Variants in GPHN observed in about 807,000 individuals in gnomAD.
GPHN encodes the protein gephyrin.
GPHN carries 17 observed loss-of-function variants against 95.5 expected under a neutral mutation model. The observed-to-expected ratio is 0.18, with a 90% CI of 0.12 to 0.27. The LOEUF (loss-of-function observed/expected upper bound fraction) is 0.27. Ranked by LOEUF, GPHN falls within the 10% of genes least tolerant of loss-of-function variation. The pLI, the probability that GPHN is intolerant of heterozygous loss-of-function variation, is 1.00. For missense variants in GPHN, 660 were observed against 978.1 expected (o/e 0.67, Z 4.34); for synonymous variants, 320 against 322.5 (o/e 0.99, Z 0.08).
chr14:67,360,540 C>T, the GPHN span: 1 of 249,284 alleles, frequency 4.0e-6, no homozygotes, highest in Non-Finnish European at 7.6e-6. Flanking sequence ...GGGTAGGCCC[C>T]GGGCTAATAC....
chr14:66,635,497 G>A (rs920775566), intron 1 of GPHN, among the ~76,000 whole-genome samples: 1 of 152,018 alleles, frequency 6.6e-6, no homozygotes, highest in African/African-American at 2.4e-5. Context: ...GTATACAAAG[G>A]GAAATCCCAG....
chr14:66,801,624 C>G (rs141117740), intron 3 of GPHN, among the ~76,000 whole-genome samples: 36 of 133,398 alleles, frequency 2.7e-4, no homozygotes, highest in African/African-American at 9.9e-4. Flanking sequence ...CCCCTCCCCC[C>G]GCTCTCTCCC....
chr14:67,656,324 C>T, the GPHN span: 1 of 1,194,864 alleles, frequency 8.4e-7, no homozygotes, highest in Non-Finnish European at 1.1e-6. Flanking sequence ...GAATACAGAA[C>T]TGCTGTAGCT....
At chr14:66,621,975 A>C (rs2063325768) in intron 1 of GPHN, among the ~76,000 whole-genome samples, 1 of 152,140 alleles carries the variant, frequency 6.6e-6, no homozygotes, top group Non-Finnish European at 1.5e-5. Flanking sequence ...CAGTTCCACT[A>C]GGTTGGAGCC....
intron 5 of GPHN, among the ~76,000 whole-genome samples, chr14:66,897,956 T>C (rs1244439899): frequency 6.6e-6 from 1 of 152,084 alleles, no homozygotes; most frequent in African/African-American, 2.4e-5. Context: ...TTTTAGCCAT[T>C]TTGATAGTTT....
chr14:67,011,434 G>A (rs921545868), intron 9 of GPHN, among the ~76,000 whole-genome samples: 15 of 151,534 alleles, frequency 9.9e-5, no homozygotes, highest in African/African-American at 3.6e-4. Flanking sequence ...TTATCTCGGG[G>A]GGATGTCACA....
intron 4 of GPHN, among the ~76,000 whole-genome samples, chr14:66,859,192 C>A (rs1433802292): frequency 1.3e-5 from 2 of 152,100 alleles, no homozygotes; most frequent in Non-Finnish European, 2.9e-5. Flanking sequence ...TTACAGTAGG[C>A]CTTGGGTAAG....
chr14:66,512,547 C>G (rs914726916), intron 1 of GPHN, among the ~76,000 whole-genome samples: 3 of 151,668 alleles, frequency 2.0e-5, no homozygotes, highest in Admixed American at 2.0e-4. Context: ...TTTTAAAAAT[C>G]ATATTTTTGC....
chr14:67,116,712 T>A (rs2078716311), intron 16 of GPHN, among the ~76,000 whole-genome samples: 1 of 152,218 alleles, frequency 6.6e-6, no homozygotes, highest in Non-Finnish European at 1.5e-5. Flanking sequence ...CAATCAAATC[T>A]GTCCAGAGTC....
chr14:67,004,166 T>A (rs932728470), intron 9 of GPHN, among the ~76,000 whole-genome samples: 2 of 151,834 alleles, frequency 1.3e-5, no homozygotes, highest in Non-Finnish European at 3.0e-5. Flanking sequence ...TTATCCTGTG[T>A]GCATTTTACT....
At chr14:67,047,318 TTGTGTGTGTGTGTGTTTG>T (rs1425402550) in intron 10 of GPHN, among the ~76,000 whole-genome samples, 1 of 132,886 alleles carries the variant, frequency 7.5e-6, no homozygotes, top group Non-Finnish European at 1.6e-5. Context: ...TTCATTTATT[TTGTGTGTGTGTGTGTTTG>T]TGTGTGTGTG....
chr14:67,696,582 G>C, the GPHN span, among the ~76,000 whole-genome samples: 1 of 152,088 alleles, frequency 6.6e-6, no homozygotes, highest in African/African-American at 2.4e-5. Context: ...CTGATGGCTT[G>C]GGTCACATAC....
intron 19 of GPHN, among the ~76,000 whole-genome samples, chr14:67,161,540 C>T (rs1264862608): frequency 2.0e-5 from 3 of 151,884 alleles, no homozygotes; most frequent in South Asian, 2.1e-4. Context: ...GGGGGTGGTT[C>T]GCTTGAGCCC....
chr14:66,547,300 A>T (rs200583425), intron 1 of GPHN, among the ~76,000 whole-genome samples: 1 of 152,140 alleles, frequency 6.6e-6, no homozygotes, highest in Non-Finnish European at 1.5e-5. Flanking sequence ...TATATAGTTG[A>T]TGCTTAACAA....
At chr14:66,563,738 G>C (rs1019742257) in intron 1 of GPHN, among the ~76,000 whole-genome samples, 2 of 152,028 alleles carry the variant, frequency 1.3e-5, no homozygotes, top group Non-Finnish European at 2.9e-5. Context: ...CTAAAACTTA[G>C]GCCTCATGGC....
chr14:67,333,381 T>G, the GPHN span: 1 of 154,220 alleles, frequency 6.5e-6, no homozygotes, highest in Admixed American at 6.5e-5. Flanking sequence ...TTGGGAATAT[T>G]GAGCAGAGGG....
chr14:67,544,941 G>T, the GPHN span, among the ~76,000 whole-genome samples: 1 of 152,236 alleles, frequency 6.6e-6, no homozygotes, highest in African/African-American at 2.4e-5. Flanking sequence ...CAAACTTGAT[G>T]AAAGATGTGA....
At chr14:67,704,440 C>G in the GPHN span, among the ~76,000 whole-genome samples, 1 of 152,026 alleles carries the variant, frequency 6.6e-6, no homozygotes, top group Non-Finnish European at 1.5e-5. Context: ...TTTTTTTCAA[C>G]TGTGTGTGCA....
At chr14:67,724,678 C>T in the GPHN span, 2 of 1,052,170 alleles carry the variant, frequency 1.9e-6, no homozygotes, top group African/African-American at 1.6e-5. Context: ...TTTGTGTTTC[C>T]TCCTAGGCTT....
Sources: gnomAD v4.1 joint callset for allele counts (sites outside exome capture counted in the v4.1 genomes callset) on GRCh38, gnomAD v4.1.1 for gene constraint, MANE v1.5 for transcripts, NCBI Gene and HGNC (gene_info 2026-07-23, HGNC 2026-07-21) for gene names.